The following LINGO2 variants were observed in gnomAD, a reference collection of about 807,000 sequenced individuals.
The protein encoded by LINGO2 is leucine rich repeat and Ig domain containing 2, also known as leucine-rich repeat and immunoglobulin-like domain-containing nogo receptor-interacting protein 2.
Under a neutral mutation model 30.6 loss-of-function variants are expected in LINGO2, and 14 were observed. The observed-to-expected ratio is 0.46, with a 90% CI of 0.30 to 0.72. LINGO2 has a LOEUF of 0.72. LINGO2 is among the 30% of genes least tolerant of loss of function. LINGO2 has a pLI of 0.07. For missense variants in LINGO2, 729 were observed against 751.7 expected (o/e 0.97, Z 0.35); for synonymous variants, 317 against 288.5 (o/e 1.10, Z -1.00).
chr9:27,999,919 AT>A (rs1394719004), intron 5 of LINGO2, among the ~76,000 whole-genome samples: 6 of 152,212 alleles, frequency 3.9e-5, no homozygotes, highest in Non-Finnish European at 2.9e-5. Flanking sequence ...AATAAAATGG[AT>A]TTTAAATAAC....
At chr9:28,673,278 G>T (rs1829090691), upstream of LINGO2, among the ~76,000 whole-genome samples, 1 of 152,110 alleles carries the variant, frequency 6.6e-6, no homozygotes, top group Non-Finnish European at 1.5e-5. Context: ...CAGATGAGAA[G>T]CCAGGCCCAG....
the LINGO2 span, among the ~76,000 whole-genome samples, chr9:28,913,906 CAT>C: frequency 6.6e-6 from 1 of 152,082 alleles, no homozygotes; most frequent in South Asian, 2.1e-4. Flanking sequence ...TCAGAGAGCA[CAT>C]GATTTTTTAA....
intron 4 of LINGO2, among the ~76,000 whole-genome samples, chr9:28,032,245 G>A (rs1823715833): frequency 6.6e-6 from 1 of 152,060 alleles, no homozygotes; most frequent in African/African-American, 2.4e-5. Context: ...AGGTCCAGGT[G>A]CAGGCTGTTT....
the LINGO2 span, among the ~76,000 whole-genome samples, chr9:28,959,612 T>TCTCTCA: frequency 0.058 from 7,643 of 131,846 alleles, 229 homozygotes; most frequent in Middle Eastern, 0.11. Flanking sequence ...TCTCTCTCCC[T>TCTCTCA]CACACACACA....
the LINGO2 span, among the ~76,000 whole-genome samples, chr9:28,890,111 C>G: frequency 6.6e-6 from 1 of 152,018 alleles, no homozygotes; most frequent in Admixed American, 6.6e-5. Flanking sequence ...TTGTAAGAGG[C>G]AGTATGTAAA....
At chr9:27,967,836 T>C (rs1820172919) in intron 5 of LINGO2, among the ~76,000 whole-genome samples, 1 of 152,180 alleles carries the variant, frequency 6.6e-6, no homozygotes, top group African/African-American at 2.4e-5. Flanking sequence ...ATGCCTACTC[T>C]TAATTCATAC....
chr9:28,620,021 G>GAGACTTGTTTGTCCATGTACAGCCATGT (rs146139500), intron 1 of LINGO2, among the ~76,000 whole-genome samples: 14,310 of 151,812 alleles, frequency 0.094, 847 homozygotes, highest in East Asian at 0.18. Context: ...TTCTGCTTCA[G>GAGACTTGTTTGTCCATGTACAGCCATGT]AGACTTGTTT....
the LINGO2 span, among the ~76,000 whole-genome samples, chr9:29,192,269 T>C: frequency 1.3e-5 from 2 of 152,200 alleles, no homozygotes; most frequent in South Asian, 4.1e-4. Context: ...GCCTGTTCTA[T>C]AGTTCAAAGC....
the LINGO2 span, among the ~76,000 whole-genome samples, chr9:29,094,658 T>A: frequency 7.2e-6 from 1 of 138,862 alleles, no homozygotes. Context: ...ATAAACTGGA[T>A]TTTAGTGGCT....
intron 2 of LINGO2, among the ~76,000 whole-genome samples, chr9:28,387,900 G>T (rs1157892201): frequency 1.3e-5 from 2 of 152,086 alleles, no homozygotes; most frequent in African/African-American, 4.8e-5. Context: ...ACAAACTCCG[G>T]ACACACCATC....
the LINGO2 span, among the ~76,000 whole-genome samples, chr9:29,018,636 A>G: frequency 0.041 from 6,233 of 152,236 alleles, 196 homozygotes; most frequent in Admixed American, 0.082. Flanking sequence ...GTAACTTACT[A>G]GAAGTCCCAA....
intron 5 of LINGO2, among the ~76,000 whole-genome samples, chr9:27,994,406 A>G (rs927674971): frequency 1.3e-5 from 2 of 152,164 alleles, no homozygotes; most frequent in Non-Finnish European, 2.9e-5. Flanking sequence ...TGAGAAAAGA[A>G]CCAAATAAGT....
intron 4 of LINGO2, among the ~76,000 whole-genome samples, chr9:28,164,722 C>A (rs187716153): frequency 3.5e-4 from 54 of 152,218 alleles, no homozygotes; most frequent in Non-Finnish European, 5.7e-4. Flanking sequence ...GGCCGGTTCA[C>A]CCCTATATAT....
At chr9:28,992,445 T>C in the LINGO2 span, among the ~76,000 whole-genome samples, 2 of 41,592 alleles carry the variant, frequency 4.8e-5, no homozygotes, top group East Asian at 7.5e-4. Flanking sequence ...CTGTCAACAT[T>C]AGACAGATCA....
intron 4 of LINGO2, among the ~76,000 whole-genome samples, chr9:28,257,215 CCAAATAGCATA>C (rs1822411157): frequency 6.6e-6 from 1 of 151,462 alleles, no homozygotes; most frequent in East Asian, 1.9e-4. Flanking sequence ...TTTTAAATGT[CCAAATAGCATA>C]AAGCGTCTCT....
At chr9:29,158,773 TGA>T in the LINGO2 span, among the ~76,000 whole-genome samples, 9 of 150,834 alleles carry the variant, frequency 6.0e-5, no homozygotes, top group Admixed American at 1.3e-4. Context: ...TGTGTGTGTA[TGA>T]GAGAGAGAGA....
At chr9:28,398,599 G>A (rs1278230073) in intron 2 of LINGO2, among the ~76,000 whole-genome samples, 1 of 151,854 alleles carries the variant, frequency 6.6e-6, no homozygotes, top group Non-Finnish European at 1.5e-5. Flanking sequence ...TGCAGTTGGG[G>A]CCAACAGTCT....
At chr9:28,688,310 C>T in the LINGO2 span, among the ~76,000 whole-genome samples, 21 of 152,268 alleles carry the variant, frequency 1.4e-4, 1 homozygote, top group South Asian at 4.4e-3. Context: ...AGCCTTAAAG[C>T]CTTCTCAAAG....
intron 3 of LINGO2, among the ~76,000 whole-genome samples, chr9:28,330,656 T>C (rs539920013): frequency 2.6e-4 from 39 of 152,306 alleles, no homozygotes; most frequent in African/African-American, 9.4e-4. Flanking sequence ...TGATCTGTTA[T>C]TGTGAATTAC....
Sources: allele counts gnomAD v4.1 joint callset (sites outside exome capture counted in the v4.1 genomes callset), GRCh38; gene constraint gnomAD v4.1.1; transcripts MANE v1.5; gene names NCBI Gene and HGNC (gene_info 2026-07-23, HGNC 2026-07-21).